Variants in RRBP1 observed in about 807,000 individuals in gnomAD.
The protein encoded by RRBP1 is ribosome-binding protein 1.
Under a neutral mutation model 165.2 loss-of-function variants are expected in RRBP1, and 94 were observed. The ratio of observed to expected loss-of-function variants is 0.57; its 90% CI spans 0.48 to 0.68. The LOEUF (loss-of-function observed/expected upper bound fraction) is 0.68. RRBP1 is among the 30% of genes least tolerant of loss of function. RRBP1 has a pLI of 0.00. For synonymous variants in RRBP1, 680 were observed against 714.5 expected (o/e 0.95, Z 0.77); for missense variants, 1,676 against 1,763.0 (o/e 0.95, Z 0.88).
intron 8 of RRBP1, among the ~76,000 whole-genome samples, chr20:17,630,963 C>T (rs1333776939): frequency 2.6e-5 from 4 of 152,222 alleles, no homozygotes; most frequent in Non-Finnish European, 4.4e-5. Context: ...GAGCACCATC[C>T]GGGCAGAGGC....
Position 17,624,438 on chromosome 20 carries a change from A to G in RRBP1, c.3147+138T>C, listed in dbSNP as rs912468871. 3 of 658,434 alleles carry G rather than the reference A, an allele frequency of 4.6e-6. No individual in the cohort carries two copies. In the African/African-American group the frequency reaches 5.4e-5, roughly 12 times the overall value. The allele number at this position is 658,434 out of a possible 1,614,324, so 40.8% of individuals were successfully genotyped here. A position where few individuals can be genotyped will look rare whatever the true frequency, so the allele number is the denominator to read the frequency against. On this transcript the variant is annotated intron_variant, in intron 13 of 24. Coordinates refer to ENST00000377813, the MANE Select transcript of RRBP1 (RefSeq NM_001365613.2). ...TGTCCTAGTGCTTCTATGCGTTCCTAGTGCCTCTGTATGTCTGTCCTAGTG... is the reference window on the plus strand; with the variant it reads ...TGTCCTAGTGCTTCTATGCGTTCCTGGTGCCTCTGTATGTCTGTCCTAGTG...
intron 13 of RRBP1, among the ~76,000 whole-genome samples, chr20:17,624,213 G>A (rs2035968281): frequency 6.6e-6 from 1 of 152,226 alleles, no homozygotes; most frequent in South Asian, 2.1e-4. Flanking sequence ...GGGAGGGGGA[G>A]GTGGATGTAG....
At chr20:17,639,506 G>A (rs1001515476) in intron 5 of RRBP1, among the ~76,000 whole-genome samples, 2 of 152,234 alleles carry the variant, frequency 1.3e-5, no homozygotes, top group African/African-American at 4.8e-5. Context: ...TCCCGAGGGG[G>A]ATTAAGGTAA....
At chr20:17,680,771 GC>G (rs1314262792) in intron 1 of RRBP1, among the ~76,000 whole-genome samples, 1 of 151,856 alleles carries the variant, frequency 6.6e-6, no homozygotes, top group Non-Finnish European at 1.5e-5. Context: ...CCGGAGCCAG[GC>G]CCCACCTTCC....
intron 11 of RRBP1, 134 bp downstream of exon 11, chr20:17,627,214 G>A (rs781000026): frequency 1.4e-4 from 111 of 818,672 alleles, no homozygotes; most frequent in Non-Finnish European, 2.1e-4. Flanking sequence ...GAGGATGGGG[G>A]AGGGAAGGGA....
rs1600768492 is a variant in RRBP1 at position 17,658,628 on chromosome 20, T to C, written c.1880A>G (p.Lys627Arg). Residue 627 changes from lysine (K) to arginine (R), a missense_variant, in exon 3 of 25, where the codon AAG (lysine) becomes AGG (arginine). Physicochemically the swap from Lys to Arg is conservative, Grantham distance 26. This residue lies in a region of RRBP1 where 1,184 missense variants were observed against 1,167.1 expected (regional missense o/e 1.01). Coordinates refer to ENST00000377813, the MANE Select transcript of RRBP1 (RefSeq NM_001365613.2). ...EAPKQEAPAK[K>R]KSGSKKKGEP... The stretch of plus-strand genomic sequence containing the variant: ...ACCTTTTTTCTTTGAACCAGACTTC[T>C]TCTTGGCAGGAGCCTCTTGCTTTGG... 1.2e-6 allele frequency: 2 copies of C among 1,607,256 alleles called. No homozygotes were observed. The highest frequency in any genetic ancestry group is 1.7e-6 in the Non-Finnish European group (2 of 1,177,534).
intron 9 of RRBP1, among the ~76,000 whole-genome samples, chr20:17,628,364 C>T (rs999634981): frequency 1.5e-4 from 23 of 152,184 alleles, no homozygotes; most frequent in East Asian, 3.9e-4. Context: ...CCGAAGCCTA[C>T]GAGCCCACAC....
At chr20:17,620,840 T>C (rs1022845580) in intron 16 of RRBP1, 33 bp from the exon 17 acceptor site, 2 of 1,521,898 alleles carry the variant, frequency 1.3e-6, no homozygotes, top group Non-Finnish European at 1.8e-6. Flanking sequence ...CAGGGCCCTC[T>C]CCCTCCCGAG....
rs185968391 is a variant in RRBP1, at chr20:17,663,524, T to C, written c.-21-2996A>G. Among the ~76,000 whole-genome samples, 59 of 152,320 alleles carry C rather than the reference T, an allele frequency of 3.9e-4. 1 individual carries two copies. The East Asian group carries it at 6.8e-3, about 17-fold the overall frequency. On this transcript the variant is annotated intron_variant, in intron 2 of 24. Transcript: ENST00000377813. Reference sequence around the variant, plus strand: ...AGTTAGAATTTTTTAAAAGAAATCTTTCACAAGAAAATGAAAAGCCCTAGT... The same window carrying C: ...AGTTAGAATTTTTTAAAAGAAATCTCTCACAAGAAAATGAAAAGCCCTAGT...
intron 16 of RRBP1, 103 bp from the exon 17 acceptor site, chr20:17,620,910 G>A (rs1043335333): frequency 1.4e-5 from 11 of 811,422 alleles, no homozygotes; most frequent in Middle Eastern, 4.7e-4. Context: ...GCCGTGCTCC[G>A]CCTGCTGACT....
At chr20:17,681,070 A>C (rs962068748) in intron 1 of RRBP1, among the ~76,000 whole-genome samples, 53 of 151,566 alleles carry the variant, frequency 3.5e-4, no homozygotes, top group African/African-American at 1.3e-3. Flanking sequence ...TGCCTCCCCT[A>C]ATCAGGGCGC....
At chr20:17,619,523 T>C (rs1293863030) in intron 19 of RRBP1, 110 bp downstream of exon 19, 2 of 741,058 alleles carry the variant, frequency 2.7e-6, no homozygotes, top group Admixed American at 3.3e-5. Context: ...GGACTCGGAC[T>C]TCAAGGCTTA....
At chr20:17,638,407 G>C (rs1225349304) in intron 5 of RRBP1, among the ~76,000 whole-genome samples, 1 of 152,156 alleles carries the variant, frequency 6.6e-6, no homozygotes, top group Non-Finnish European at 1.5e-5. Flanking sequence ...CTGCCACCTG[G>C]AGACACCCTT....
intron 5 of RRBP1, among the ~76,000 whole-genome samples, chr20:17,637,801 G>A (rs1057362071): frequency 4.6e-5 from 7 of 152,222 alleles, no homozygotes; most frequent in African/African-American, 1.2e-4. Flanking sequence ...GGCTCTGCCC[G>A]GGGTGAGAGG....
intron 5 of RRBP1, among the ~76,000 whole-genome samples, chr20:17,639,630 G>A (rs184415065): frequency 6.6e-6 from 1 of 152,086 alleles, no homozygotes; most frequent in Non-Finnish European, 1.5e-5. Context: ...ACGGTGGCTC[G>A]CAGCTGCAAT....
chr20:17,651,979 G>A (rs1273838505), intron 3 of RRBP1, among the ~76,000 whole-genome samples: 1 of 152,180 alleles, frequency 6.6e-6, no homozygotes, highest in Non-Finnish European at 1.5e-5. Context: ...CTGTCAGCAG[G>A]GGGCCCTGCT....
intron 3 of RRBP1, among the ~76,000 whole-genome samples, chr20:17,646,532 A>G (rs2036465461): frequency 6.6e-6 from 1 of 152,084 alleles, no homozygotes; most frequent in Non-Finnish European, 1.5e-5. Context: ...CAAAACGGGG[A>G]TGATCATTGT....
chr20:17,647,164 T>C (rs2036479898), intron 3 of RRBP1, among the ~76,000 whole-genome samples: 1 of 152,218 alleles, frequency 6.6e-6, no homozygotes, highest in South Asian at 2.1e-4. Flanking sequence ...ACACAAAGTA[T>C]GTACCACCTG....
chr20:17,641,440 C>T, intron 5 of RRBP1: 1 of 268,342 alleles, frequency 3.7e-6, no homozygotes, highest in East Asian at 9.2e-5. Flanking sequence ...TTTCCAGGCA[C>T]AGCCCCTAGA....
Sources: allele counts gnomAD v4.1 joint callset (sites outside exome capture counted in the v4.1 genomes callset), GRCh38; gene constraint gnomAD v4.1.1; regional missense constraint gnomAD v4.1.1; transcripts MANE v1.5; gene names NCBI Gene and HGNC (gene_info 2026-07-23, HGNC 2026-07-21).